The following MYO9A variants were observed in gnomAD, a reference collection of about 807,000 sequenced individuals.
MYO9A encodes the protein unconventional myosin-IXa.
In MYO9A, 103 loss-of-function variants were observed where a neutral mutation model predicts 293.3. That is an observed-to-expected ratio of 0.35 (90% CI 0.30 to 0.41). The LOEUF is 0.41. MYO9A is among the 10% of genes least tolerant of loss of function. MYO9A has a pLI of 1.00. For synonymous variants in MYO9A, 1,001 were observed against 1,035.7 expected (o/e 0.97, Z 0.64); for missense variants, 2,685 against 3,033.0 (o/e 0.89, Z 2.69).
intron 1 of MYO9A, among the ~76,000 whole-genome samples, chr15:72,076,187 A>G (rs1316465700): frequency 1.3e-5 from 2 of 151,864 alleles, no homozygotes; most frequent in Non-Finnish European, 2.9e-5. Flanking sequence ...TGCCTGTAAT[A>G]CCAGCTACTA....
In MYO9A at chr15:71,893,177, C is replaced by T. The variant is rs773566435; in HGVS notation, c.5142+502G>A. ...TTCTTTTTATGGGCCGGTCTGGCAA[C>T]CTGCTTGACCAAATGATAAAACAAA... On this transcript the variant is annotated intron_variant, in intron 26 of 41. Coordinates refer to ENST00000356056, the MANE Select transcript of MYO9A (RefSeq NM_006901.4). 4.7e-6 allele frequency: 6 copies of T among 1,265,896 alleles called. No homozygotes were observed. The African/African-American group carries it at 6.2e-5, about 13-fold the overall frequency. 78.4% of individuals were successfully genotyped at this position (1,265,896 alleles called of 1,614,324 possible). A position where few individuals can be genotyped will look rare whatever the true frequency, so the allele number is the denominator to read the frequency against.
chr15:72,008,354 C>T (rs1302600591), intron 7 of MYO9A, among the ~76,000 whole-genome samples: 1 of 151,690 alleles, frequency 6.6e-6, no homozygotes, highest in Non-Finnish European at 1.5e-5. Context: ...TTTTTTAAAT[C>T]AAGTATCCTA....
chr15:72,041,325 G>A, intron 2 of MYO9A: 1 of 664,820 alleles, frequency 1.5e-6, no homozygotes, highest in Non-Finnish European at 2.7e-6. Context: ...AAGATCCTCA[G>A]GAACTTCATC....
chr15:71,840,660 T>C (rs1248441322), intron 39 of MYO9A, among the ~76,000 whole-genome samples: 1 of 152,172 alleles, frequency 6.6e-6, no homozygotes, highest in African/African-American at 2.4e-5. Context: ...GACGGAGTCT[T>C]GCTCTGTCGC....
In MYO9A at chr15:71,826,711, T is replaced by C. The variant is rs1032367299; in HGVS notation, c.7516A>G (p.Lys2506Glu). 2 of 1,614,158 alleles carry C rather than the reference T, an allele frequency of 1.2e-6. No homozygotes were observed. Among genetic ancestry groups the C allele is most frequent in the East Asian group, 4.5e-5 (2 of 44,876 alleles). Residue 2506 changes from lysine to glutamate, a missense_variant, in exon 42 of 42, where the codon AAA (lysine) becomes GAA (glutamate). By Grantham distance (56) the Lys-to-Glu change is moderately conservative (BLOSUM62 1). Transcript: ENST00000356056. ...TCTTTGGTTTTCTGAGGTGAGTTTTTCACATTCTTTAATTTTTGTTTGCCC... is the reference window on the plus strand; with the variant it reads ...TCTTTGGTTTTCTGAGGTGAGTTTTCCACATTCTTTAATTTTTGTTTGCCC... The part of the protein sequence containing the change: ...EKGKQKLKNV[K>E]NSPQKTKETP...
intron 5 of MYO9A, among the ~76,000 whole-genome samples, chr15:72,020,717 T>C (rs531593923): frequency 4.3e-4 from 65 of 152,310 alleles, no homozygotes; most frequent in Admixed American, 4.2e-3. Context: ...AGCACATATA[T>C]TATCTGAGCT....
chr15:71,979,461 A>T (rs2076219828), intron 11 of MYO9A, among the ~76,000 whole-genome samples: 1 of 152,156 alleles, frequency 6.6e-6, no homozygotes, highest in African/African-American at 2.4e-5. Flanking sequence ...TCCTACCCAA[A>T]GTCAGCTTCT....
chr15:71,948,957 G>T (rs1206813294), intron 15 of MYO9A, among the ~76,000 whole-genome samples: 2 of 146,318 alleles, frequency 1.4e-5, no homozygotes, highest in Admixed American at 1.4e-4. Flanking sequence ...TTTGTGAGGG[G>T]GGGGGATGTG....
chr15:71,999,290 T>C (rs1339743761), intron 9 of MYO9A, among the ~76,000 whole-genome samples: 3 of 151,858 alleles, frequency 2.0e-5, no homozygotes, highest in African/African-American at 7.3e-5. Flanking sequence ...AGTGGTATAA[T>C]AGTAGCAACA....
At chr15:71,971,048 C>A (rs1269950770) in intron 12 of MYO9A, among the ~76,000 whole-genome samples, 3 of 151,956 alleles carry the variant, frequency 2.0e-5, no homozygotes, top group African/African-American at 7.3e-5. Flanking sequence ...GTAGTCCCAG[C>A]TGCTCGGGAG....
intron 32 of MYO9A, among the ~76,000 whole-genome samples, chr15:71,866,810 G>A (rs938385992): frequency 6.6e-6 from 1 of 152,150 alleles, no homozygotes; most frequent in African/African-American, 2.4e-5. Flanking sequence ...TGTAATCCCA[G>A]AACTTTGGGA....
Position 72,046,125 on chromosome 15 carries a change from C to A in MYO9A, c.439G>T (p.Asp147Tyr). ...RGFLPQPQQK[D>Y]FDDLCSLPDL... ...GGTAAACTACATAAATCATCAAAGT[C>A]TTTCTGTTGAGGCTGTGGAAGAAAA... is the stretch of plus-strand genomic sequence containing the variant. The change falls in exon 2 of 42, where the codon GAC becomes TAC. Residue 147 changes from aspartate (D) to tyrosine (Y), a missense_variant. Asp to Tyr is a radical substitution (Grantham distance 160). Coordinates refer to ENST00000356056, the MANE Select transcript of MYO9A (RefSeq NM_006901.4). 1 of 1,614,138 alleles carries A rather than the reference C, an allele frequency of 6.2e-7. No individual in the cohort carries two copies. Among genetic ancestry groups the A allele is most frequent in the Non-Finnish European group, 8.5e-7 (1 of 1,180,026 alleles).
intron 6 of MYO9A, among the ~76,000 whole-genome samples, chr15:72,014,718 AAAG>A (rs1337475415): frequency 1.3e-5 from 2 of 151,624 alleles, no homozygotes; most frequent in African/African-American, 4.9e-5. Context: ...AAAGAAAAGA[AAAG>A]AAGAGAAGAG....
At chr15:71,869,980 G>T (rs2056457218) in intron 32 of MYO9A, among the ~76,000 whole-genome samples, 1 of 152,184 alleles carries the variant, frequency 6.6e-6, no homozygotes, top group Non-Finnish European at 1.5e-5. Flanking sequence ...ATCTGGGCAT[G>T]TGACAATCTA....
intron 32 of MYO9A, among the ~76,000 whole-genome samples, chr15:71,871,944 G>A (rs954966568): frequency 6.6e-6 from 1 of 151,230 alleles, no homozygotes; most frequent in Admixed American, 6.6e-5. Flanking sequence ...GATTTTATAC[G>A]GACACTGTAT....
intron 40 of MYO9A, 98 bp from the exon 41 acceptor site, chr15:71,828,124 CAA>C: frequency 7.3e-7 from 1 of 1,366,574 alleles, no homozygotes; most frequent in East Asian, 2.3e-5. Context: ...ATCTAAGAAG[CAA>C]AGAGAGTCCA....
In MYO9A at chr15:71,964,208, C is replaced by G. The variant is rs117827536; in HGVS notation, c.1986+3776G>C. 4.6e-5 allele frequency among the ~76,000 whole-genome samples: 7 copies of G among 152,192 alleles called. No individual in the cohort carries two copies. The East Asian group carries it at 1.3e-3, about 29-fold the overall frequency. ...TTTATATTATTTTGTGTTATCTTCT[C>G]AAGGAACTAACTTTTGGCTTAGTTG... On this transcript the variant is annotated intron_variant, in intron 13 of 41. Coordinates refer to ENST00000356056, the MANE Select transcript of MYO9A (RefSeq NM_006901.4).
chr15:71,899,316 C>T (rs981519938), intron 24 of MYO9A, among the ~76,000 whole-genome samples: 14 of 151,894 alleles, frequency 9.2e-5, no homozygotes, highest in Admixed American at 4.6e-4. Context: ...TAAAGTAAAC[C>T]TCAAATTAAA....
At chr15:72,012,058 G>A (rs1214034350) in intron 6 of MYO9A, among the ~76,000 whole-genome samples, 1 of 152,066 alleles carries the variant, frequency 6.6e-6, no homozygotes, top group African/African-American at 2.4e-5. Context: ...AAGAAAATCT[G>A]TTTTAGGCAC....
Sources: allele counts gnomAD v4.1 joint callset (sites outside exome capture counted in the v4.1 genomes callset), GRCh38; gene constraint gnomAD v4.1.1; transcripts MANE v1.5; gene names NCBI Gene and HGNC (gene_info 2026-07-23, HGNC 2026-07-21).